FAM120B: variants seen among roughly 807,000 people sequenced by gnomAD.
FAM120B encodes the protein family with sequence similarity 120 member B.
A neutral mutation model predicts 96.3 loss-of-function variants in FAM120B; 83 were observed. The observed-to-expected ratio is 0.86, with a 90% CI of 0.72 to 1.03. FAM120B has a LOEUF of 1.03. Among genes scored for constraint, FAM120B ranks in the 50% least tolerant of loss-of-function variants. FAM120B has a pLI of 0.00. For missense variants in FAM120B, 1,027 were observed against 1,121.2 expected, an observed-to-expected ratio of 0.92 and a Z score of 1.20; for synonymous variants, 407 against 402.7, an observed-to-expected ratio of 1.01 and a Z score of -0.13.
At chr6:170,317,339 T>C in intron 1 of FAM120B, 31 bp from the exon 2 acceptor site, 3 of 1,536,260 alleles carry the variant, frequency 2.0e-6, no homozygotes, top group Non-Finnish European at 2.7e-6. Context: ...GATAATGCCA[T>C]AATTACTGAT....
At chr6:170,367,832 G>A (rs1387166462) in intron 6 of FAM120B, among the ~76,000 whole-genome samples, 1 of 152,182 alleles carries the variant, frequency 6.6e-6, no homozygotes, top group African/African-American at 2.4e-5. Flanking sequence ...GCTGAAGTGA[G>A]GATATAAATT....
chr6:170,396,201 G>T (rs1239434317), intron 9 of FAM120B, among the ~76,000 whole-genome samples: 1 of 152,172 alleles, frequency 6.6e-6, no homozygotes, highest in African/African-American at 2.4e-5. Context: ...TTTGATTTAT[G>T]ATATCTGTGA....
At chr6:170,401,308 G>A (rs577750846) in intron 9 of FAM120B, among the ~76,000 whole-genome samples, 1 of 152,314 alleles carries the variant, frequency 6.6e-6, no homozygotes, top group Non-Finnish European at 1.5e-5. Flanking sequence ...AGCTAAGCCT[G>A]AGGGGTCTCC....
At chr6:170,378,873 T>TA (rs1276298659) in intron 6 of FAM120B, among the ~76,000 whole-genome samples, 1 of 152,112 alleles carries the variant, frequency 6.6e-6, no homozygotes, top group Non-Finnish European at 1.5e-5. Flanking sequence ...CTTGAAAAAA[T>TA]AAGAGAATTA....
chr6:170,403,311 G>C (rs934567989), intron 9 of FAM120B, among the ~76,000 whole-genome samples: 3 of 152,192 alleles, frequency 2.0e-5, no homozygotes, highest in African/African-American at 7.2e-5. Flanking sequence ...TGTAATTACT[G>C]TGAGGGAGTT....
At chr6:170,341,535 T>A (rs2115111878) in intron 4 of FAM120B, among the ~76,000 whole-genome samples, 1 of 152,112 alleles carries the variant, frequency 6.6e-6, no homozygotes, top group East Asian at 1.9e-4. Context: ...CAGGCACTAC[T>A]GGGGTACAAA....
At chr6:170,399,322 G>A (rs1051573781) in intron 9 of FAM120B, among the ~76,000 whole-genome samples, 2 of 148,548 alleles carry the variant, frequency 1.3e-5, no homozygotes, top group East Asian at 4.1e-4. Flanking sequence ...TCTTAGGAGT[G>A]AGTGAGAAAG....
intron 6 of FAM120B, among the ~76,000 whole-genome samples, chr6:170,361,445 T>TA (rs1176488140): frequency 1.3e-5 from 2 of 151,932 alleles, no homozygotes; most frequent in African/African-American, 4.8e-5. Context: ...CAGTATTACT[T>TA]ACAGTTTAAG....
intron 6 of FAM120B, among the ~76,000 whole-genome samples, chr6:170,381,615 C>T (rs1789905802): frequency 6.6e-6 from 1 of 151,784 alleles, no homozygotes; most frequent in Admixed American, 6.6e-5. Context: ...AATGTAGGTA[C>T]AAAAATCTTG....
Position 170,318,810 on chromosome 6 carries a change from C to T in FAM120B, c.1420C>T (p.Pro474Ser), listed in dbSNP as rs1397395380. 1 of 1,613,988 alleles carries T rather than the reference C, an allele frequency of 6.2e-7. No homozygotes were observed. Residue 474 changes from proline to serine, a missense_variant, in exon 2 of 11, where the codon CCC (proline) becomes TCC (serine). Pro to Ser is a moderately conservative substitution (Grantham distance 74, BLOSUM62 -1). Coordinates refer to ENST00000476287, the MANE Select transcript of FAM120B (RefSeq NM_032448.3). ...YTGPESRQEVPMYTGPESRQE... is the reference protein window; with the variant it reads ...YTGPESRQEVSMYTGPESRQE... ...AGGCCCTGAATCCAGGCAAGAAGTTCCCATGTATACAGGCCCTGAATCCAG... is the reference window on the plus strand; with the variant it reads ...AGGCCCTGAATCCAGGCAAGAAGTTTCCATGTATACAGGCCCTGAATCCAG...
chr6:170,324,635 TGTTA>T (rs1363478315), intron 3 of FAM120B, among the ~76,000 whole-genome samples: 2 of 152,242 alleles, frequency 1.3e-5, no homozygotes, highest in Non-Finnish European at 2.9e-5. Context: ...TTTCATACTT[TGTTA>T]ATGTAATATA....
chr6:170,323,431 C>T (rs1002096051), intron 3 of FAM120B, among the ~76,000 whole-genome samples, 172 bp downstream of exon 3: 3 of 152,162 alleles, frequency 2.0e-5, no homozygotes, highest in East Asian at 1.9e-4. Flanking sequence ...AAAAATTAAG[C>T]GTAAGTGCCA....
chr6:170,365,805 T>C (rs1788753796), intron 6 of FAM120B, among the ~76,000 whole-genome samples: 1 of 149,318 alleles, frequency 6.7e-6, no homozygotes, highest in African/African-American at 2.5e-5. Flanking sequence ...AGGGCTCTGC[T>C]GGAATCACGG....
chr6:170,359,551 G>C (rs1788201825), intron 6 of FAM120B, among the ~76,000 whole-genome samples: 1 of 152,014 alleles, frequency 6.6e-6, no homozygotes, highest in South Asian at 2.1e-4. Context: ...GGGTAGCTGG[G>C]ACCACAGGCA....
intron 9 of FAM120B, among the ~76,000 whole-genome samples, chr6:170,401,764 G>A (rs376380710): frequency 6.6e-6 from 1 of 152,156 alleles, no homozygotes; most frequent in South Asian, 2.1e-4. Context: ...TTGGAATTTC[G>A]GATATTCAGA....
intron 1 of FAM120B, among the ~76,000 whole-genome samples, chr6:170,311,511 G>A (rs1008786769): frequency 2.6e-5 from 4 of 152,180 alleles, no homozygotes; most frequent in African/African-American, 9.7e-5. Flanking sequence ...GATTTCCTCC[G>A]TGTTGCTCAT....
At chr6:170,377,933 C>T (rs1789663160) in intron 6 of FAM120B, among the ~76,000 whole-genome samples, 1 of 119,200 alleles carries the variant, frequency 8.4e-6, no homozygotes, top group Non-Finnish European at 1.8e-5. Context: ...GAGCACCATT[C>T]ATTCTGGATG....
intron 6 of FAM120B, among the ~76,000 whole-genome samples, chr6:170,378,523 C>T (rs919627377): frequency 1.3e-5 from 2 of 152,232 alleles, no homozygotes; most frequent in African/African-American, 4.8e-5. Flanking sequence ...CGTTGAGCGC[C>T]TATTCTATGC....
intron 9 of FAM120B, among the ~76,000 whole-genome samples, chr6:170,401,237 A>G (rs1018646471): frequency 6.6e-6 from 1 of 152,170 alleles, no homozygotes; most frequent in Non-Finnish European, 1.5e-5. Flanking sequence ...GTCTTGCCAG[A>G]AGTCCAGAGG....
Sources: gnomAD v4.1 joint callset for allele counts (sites outside exome capture counted in the v4.1 genomes callset) on GRCh38, gnomAD v4.1.1 for gene constraint, MANE v1.5 for transcripts, NCBI Gene and HGNC (gene_info 2026-07-23, HGNC 2026-07-21) for gene names.